TMEM132B: variants seen among roughly 807,000 people sequenced by gnomAD.
TMEM132B encodes transmembrane protein 132B.
In TMEM132B, 18 loss-of-function variants were observed where a neutral mutation model predicts 90.8. The ratio of observed to expected loss-of-function variants is 0.20; its 90% CI spans 0.14 to 0.29. The LOEUF is 0.29. TMEM132B is among the 10% of genes least tolerant of loss of function. The pLI is 1.00. For synonymous variants in TMEM132B, 504 were observed against 523.3 expected, an observed-to-expected ratio of 0.96 and a Z score of 0.50; for missense variants, 1,096 against 1,326.8, an observed-to-expected ratio of 0.83 and a Z score of 2.70.
chr12:125,215,465 G>A (rs1873412257), intron 1 of TMEM132B, among the ~76,000 whole-genome samples: 1 of 152,162 alleles, frequency 6.6e-6, no homozygotes, highest in Non-Finnish European at 1.5e-5. Context: ...AAAGCCAGCA[G>A]CATAGTATGT....
chr12:125,257,995 C>T (rs1202754228), intron 1 of TMEM132B, among the ~76,000 whole-genome samples: 1 of 152,218 alleles, frequency 6.6e-6, no homozygotes, highest in East Asian at 1.9e-4. Flanking sequence ...AAGTTCATTT[C>T]AGCACAATTT....
At chr12:125,211,533 A>G (rs1046960185) in intron 1 of TMEM132B, among the ~76,000 whole-genome samples, 1 of 152,178 alleles carries the variant, frequency 6.6e-6, no homozygotes, top group Non-Finnish European at 1.5e-5. Context: ...TCTCCAGGGC[A>G]TAGAATGTTG....
chr12:125,326,613 C>A (rs569167792), intron 1 of TMEM132B: 26 of 1,604,994 alleles, frequency 1.6e-5, no homozygotes, highest in Non-Finnish European at 2.2e-5. Flanking sequence ...CAGCTCCAGA[C>A]TCTACGGGAA....
rs546005173 is a variant in TMEM132B, at chr12:125,622,701, G to T, written c.1438-21375G>T. On this transcript the variant is annotated intron_variant, in intron 5 of 8. Coordinates refer to ENST00000682704, the MANE Select transcript of TMEM132B (RefSeq NM_001366854.1). The stretch of plus-strand genomic sequence containing the variant: ...AAGCTCTGCCATGTCTTTTCAGCTT[G>T]GGCCTTTCCAGAAACCTTTTTTCTG... 3.7e-4 allele frequency: 366 copies of T among 982,576 alleles called. 8 individuals carry two copies. The South Asian group carries it at 0.015, about 41-fold the overall frequency. The allele number at this position is 982,576 out of a possible 1,614,324, so 60.9% of individuals were successfully genotyped here.
At chr12:125,564,407 C>CT (rs1276674281) in intron 4 of TMEM132B, among the ~76,000 whole-genome samples, 9 of 152,182 alleles carry the variant, frequency 5.9e-5, no homozygotes, top group Admixed American at 5.2e-4. Flanking sequence ...CTGCTCCTTG[C>CT]TTCCTCCTTT....
chr12:125,462,110 A>G (rs562499777), intron 3 of TMEM132B, among the ~76,000 whole-genome samples: 7 of 152,302 alleles, frequency 4.6e-5, no homozygotes, highest in Non-Finnish European at 7.4e-5. Context: ...CACGTGGACT[A>G]AAAGTGTGGA....
At chr12:125,538,759 C>T (rs927749744) in intron 4 of TMEM132B, among the ~76,000 whole-genome samples, 1 of 152,176 alleles carries the variant, frequency 6.6e-6, no homozygotes, top group Non-Finnish European at 1.5e-5. Flanking sequence ...GGAGGTTCTT[C>T]AAGTCCCATT....
intron 4 of TMEM132B, among the ~76,000 whole-genome samples, chr12:125,532,178 A>G (rs966156341): frequency 2.0e-5 from 3 of 152,228 alleles, no homozygotes; most frequent in Non-Finnish European, 4.4e-5. Flanking sequence ...TTGCTGATGT[A>G]TAATTTCTGA....
intron 5 of TMEM132B, among the ~76,000 whole-genome samples, chr12:125,602,125 C>T (rs1455805151): frequency 1.3e-5 from 2 of 152,212 alleles, no homozygotes; most frequent in Non-Finnish European, 2.9e-5. Flanking sequence ...AGGCCAGGAT[C>T]GTCCTGATAC....
chr12:125,540,926 G>A (rs1883938741), intron 4 of TMEM132B, among the ~76,000 whole-genome samples: 1 of 152,164 alleles, frequency 6.6e-6, no homozygotes, highest in Non-Finnish European at 1.5e-5. Context: ...CTGTTTCCTT[G>A]GTATCTCCCC....
chr12:125,616,335 C>T (rs1035542390), intron 5 of TMEM132B, among the ~76,000 whole-genome samples: 3 of 151,936 alleles, frequency 2.0e-5, no homozygotes, highest in African/African-American at 7.3e-5. Flanking sequence ...CTCGAGGTTA[C>T]AGAAAAAATG....
intron 5 of TMEM132B, among the ~76,000 whole-genome samples, chr12:125,595,966 T>G (rs888953267): frequency 6.6e-6 from 1 of 152,096 alleles, no homozygotes; most frequent in African/African-American, 2.4e-5. Context: ...ATGTCCTCTT[T>G]TTTTCTCTTA....
intron 5 of TMEM132B, chr12:125,585,083 G>T (rs1006626457): frequency 6.6e-6 from 1 of 152,176 alleles, no homozygotes; most frequent in Admixed American, 6.5e-5. Context: ...ATTTCTTCTT[G>T]TTGTGACCTA....
At chr12:125,188,865 A>AAG (rs1957777927) in intron 1 of TMEM132B, among the ~76,000 whole-genome samples, 1 of 133,336 alleles carries the variant, frequency 7.5e-6, no homozygotes, top group South Asian at 2.5e-4. Context: ...AAAAAAAAAA[A>AAG]AAAAAAAAGA....
At chr12:125,485,071 G>A (rs991693898) in intron 3 of TMEM132B, among the ~76,000 whole-genome samples, 2 of 152,130 alleles carry the variant, frequency 1.3e-5, no homozygotes, top group Non-Finnish European at 2.9e-5. Context: ...GGGATGATGG[G>A]GTCCCTTATC....
At chr12:125,496,361 C>G (rs1389148098) in intron 3 of TMEM132B, among the ~76,000 whole-genome samples, 1 of 152,126 alleles carries the variant, frequency 6.6e-6, no homozygotes, top group East Asian at 1.9e-4. Context: ...ATTGCTCTGG[C>G]TTTCCCTATA....
chr12:125,373,610 T>G (rs1036430442), intron 2 of TMEM132B, among the ~76,000 whole-genome samples: 2 of 152,150 alleles, frequency 1.3e-5, no homozygotes, highest in African/African-American at 4.8e-5. Context: ...CCAGCTTCCT[T>G]TAGCTTCCGT....
At chr12:125,606,508 T>G (rs899303177) in intron 5 of TMEM132B, among the ~76,000 whole-genome samples, 1 of 152,260 alleles carries the variant, frequency 6.6e-6, no homozygotes, top group Non-Finnish European at 1.5e-5. Context: ...TGCACATGTG[T>G]GCATGTGTGC....
intron 7 of TMEM132B, 28 bp downstream of exon 7, chr12:125,650,981 G>A (rs1294970604): frequency 3.1e-6 from 5 of 1,610,198 alleles, no homozygotes; most frequent in Non-Finnish European, 4.2e-6. Flanking sequence ...TTGCCCAACA[G>A]CAGTCTGTGT....
Sources: allele counts gnomAD v4.1 joint callset (sites outside exome capture counted in the v4.1 genomes callset), GRCh38; gene constraint gnomAD v4.1.1; transcripts MANE v1.5; gene names NCBI Gene and HGNC (gene_info 2026-07-23, HGNC 2026-07-21).